TRIM35: variants seen among roughly 807,000 people sequenced by gnomAD.
TRIM35 encodes E3 ubiquitin-protein ligase TRIM35.
A neutral mutation model predicts 49.1 loss-of-function variants in TRIM35; 37 were observed. That is an observed-to-expected ratio of 0.75 (90% confidence interval 0.58 to 0.99). The LOEUF is 0.99. Among genes scored for constraint, TRIM35 ranks in the 50% least tolerant of loss-of-function variants. The pLI, the probability that TRIM35 is intolerant of heterozygous loss-of-function variation, is 0.00. For synonymous variants in TRIM35, 302 were observed against 289.3 expected (o/e 1.04, Z -0.45); for missense variants, 648 against 702.7 (o/e 0.92, Z 0.88).
chr8:27,307,665 C>T (rs1050694885), intron 1 of TRIM35, among the ~76,000 whole-genome samples: 8 of 152,128 alleles, frequency 5.3e-5, no homozygotes, highest in Middle Eastern at 3.2e-3. Flanking sequence ...GTCAGCTGCC[C>T]GCTGAAGTCT....
chr8:27,300,222 C>T lies in TRIM35; in HGVS notation c.436-1663G>A, dbSNP rs145590241. On this transcript the variant is annotated intron_variant, in intron 1 of 5. Coordinates refer to ENST00000305364, the MANE Select transcript of TRIM35 (RefSeq NM_171982.5). The stretch of plus-strand genomic sequence containing the variant: ...ATGTGAGTGTAAATAAGGATCCTGC[C>T]CTAGCTGAGCCTTCAGATGAGACCA... 5.0e-3 allele frequency among the ~76,000 whole-genome samples: 760 copies of T among 152,328 alleles called. 9 individuals carry two copies. Among genetic ancestry groups the T allele is most frequent in the African/African-American group, 0.018 (736 of 41,558 alleles).
chr8:27,309,739 T>G (rs898808976), intron 1 of TRIM35, among the ~76,000 whole-genome samples: 3 of 151,780 alleles, frequency 2.0e-5, no homozygotes, highest in Non-Finnish European at 4.4e-5. Flanking sequence ...TCCCAGTAGT[T>G]TGGGAGGCAG....
chr8:27,293,828 G>C (rs1802505740), intron 3 of TRIM35, among the ~76,000 whole-genome samples: 1 of 152,072 alleles, frequency 6.6e-6, no homozygotes, highest in South Asian at 2.1e-4. Flanking sequence ...ACTCCAGCCT[G>C]GGTGATACAG....
In TRIM35 at chr8:27,301,643, T is replaced by C. The variant is rs372948596; in HGVS notation, c.436-3084A>G. On this transcript the variant is annotated intron_variant, in intron 1 of 5. Transcript: ENST00000305364. ...TAGAGGTGTAATGAATATTTTCTAC[T>C]TCATCATTTATCTTTCTTAATTGAA... Among the ~76,000 whole-genome samples, 5 of 152,342 alleles carry C rather than the reference T, an allele frequency of 3.3e-5. No individual in the cohort carries two copies. In the South Asian group the frequency reaches 6.2e-4, roughly 19 times the overall value.
chr8:27,302,518 C>T lies in TRIM35; in HGVS notation c.436-3959G>A, dbSNP rs527530048. Among the ~76,000 whole-genome samples the T allele has an allele frequency of 4.6e-5, 7 of 152,252 alleles. No homozygotes were observed. In the South Asian group the frequency reaches 1.5e-3, roughly 32 times the overall value. Reference sequence around the variant, plus strand: ...TCCTGTGCTCAAGTGATCCTCCCACCACCTCAGCCTCCCAAGTAGCTGGGA... The same window carrying T: ...TCCTGTGCTCAAGTGATCCTCCCACTACCTCAGCCTCCCAAGTAGCTGGGA... On this transcript the variant is annotated intron_variant, in intron 1 of 5. Transcript: ENST00000305364.
intron 1 of TRIM35, among the ~76,000 whole-genome samples, chr8:27,306,842 T>C (rs548576111): frequency 6.6e-6 from 1 of 152,208 alleles, no homozygotes; most frequent in Non-Finnish European, 1.5e-5. Flanking sequence ...CAGAAGTATC[T>C]TGGCCAGGAG....
At chr8:27,308,888 C>T (rs760916195) in intron 1 of TRIM35, among the ~76,000 whole-genome samples, 1 of 152,194 alleles carries the variant, frequency 6.6e-6, no homozygotes, top group Non-Finnish European at 1.5e-5. Flanking sequence ...TCCTGCACGT[C>T]CCTCCTCATT....
chr8:27,311,249 G>T lies in TRIM35; in HGVS notation c.-14C>A. The T allele has an allele frequency of 2.0e-6, 3 of 1,493,716 alleles. No individual in the cohort carries two copies. The highest frequency in any genetic ancestry group is 1.8e-6 in the Non-Finnish European group (2 of 1,120,824). 92.5% of individuals were successfully genotyped at this position (1,493,716 alleles called of 1,614,324 possible). A position where few individuals can be genotyped will look rare whatever the true frequency, so the allele number is the denominator to read the frequency against. On this transcript the variant is annotated 5_prime_UTR_variant, in exon 1 of 6. Coordinates refer to ENST00000305364, the MANE Select transcript of TRIM35 (RefSeq NM_171982.5). ...ACTCCGCTCCATGGCACGAGCAGCC[G>T]GCTCGGGCGCCCGGAACTTTTGCTC...
intron 2 of TRIM35, among the ~76,000 whole-genome samples, chr8:27,294,896 A>C (rs1193186048): frequency 6.6e-6 from 1 of 151,804 alleles, no homozygotes; most frequent in East Asian, 1.9e-4. Context: ...ATCTTGGCTC[A>C]CTGCAACCTC....
chr8:27,310,628 T>C (rs1050838193), intron 1 of TRIM35, among the ~76,000 whole-genome samples, 173 bp downstream of exon 1: 2 of 152,208 alleles, frequency 1.3e-5, no homozygotes, highest in Non-Finnish European at 2.9e-5. Context: ...TGGGCCGACC[T>C]TGAAGAAGCA....
rs770504502 is a variant in TRIM35, at chr8:27,289,209, G to A, written c.857C>T (p.Ser286Phe). ...MLIDVCKYLGSLQYRVWKKML... is the reference protein window; with the variant it reads ...MLIDVCKYLGFLQYRVWKKML... Reference sequence around the variant, plus strand: ...CTTCTTCCAGACGCGGTACTGCAGGGAGCCCAGGTACTTGCAGACATCGAT... The same window carrying A: ...CTTCTTCCAGACGCGGTACTGCAGGAAGCCCAGGTACTTGCAGACATCGAT... The change falls in exon 5 of 6, where the codon TCC (serine) becomes TTC (phenylalanine). Residue 286 changes from serine to phenylalanine, a missense_variant. Physicochemically the swap from Ser to Phe is radical, Grantham distance 155. Coordinates refer to ENST00000305364, the MANE Select transcript of TRIM35 (RefSeq NM_171982.5). 6.2e-7 allele frequency: 1 copy of A among 1,614,172 alleles called. No homozygotes were observed. Among genetic ancestry groups the A allele is most frequent in the Non-Finnish European group, 8.5e-7 (1 of 1,180,010 alleles).
In TRIM35 at chr8:27,293,649, G is replaced by A. The variant is rs189393375; in HGVS notation, c.762+431C>T. 2.5e-4 allele frequency among the ~76,000 whole-genome samples: 38 copies of A among 152,028 alleles called. No homozygotes were observed. In the East Asian group the frequency reaches 7.4e-3, roughly 30 times the overall value. On this transcript the variant is annotated intron_variant, in intron 3 of 5. Coordinates refer to ENST00000305364, the MANE Select transcript of TRIM35 (RefSeq NM_171982.5). ...GAGGCCAGGGATTCAAGACCAGCTT[G>A]GGCAACATAGTGAGACCCCCCTCAC...
At chr8:27,297,010 G>A (rs1802583573) in intron 2 of TRIM35, among the ~76,000 whole-genome samples, 1 of 152,148 alleles carries the variant, frequency 6.6e-6, no homozygotes, top group Non-Finnish European at 1.5e-5. Context: ...CAGAGGAGGG[G>A]ATTAGCTTGG....
chr8:27,304,780 G>T (rs1309656823), intron 1 of TRIM35: 1 of 455,440 alleles, frequency 2.2e-6, no homozygotes, highest in East Asian at 7.0e-5. Flanking sequence ...TGGACTGAAG[G>T]TTAGGAGAGC....
In TRIM35 at chr8:27,286,416, A is replaced by G. The variant is rs965075448; in HGVS notation, c.*1134T>C. 1.7e-5 allele frequency: 5 copies of G among 300,180 alleles called. No individual in the cohort carries two copies. Among genetic ancestry groups the G allele is most frequent in the Admixed American group, 8.6e-5 (2 of 23,226 alleles). 18.6% of individuals were successfully genotyped at this position (300,180 alleles called of 1,614,324 possible). ...GCGCCACCCCTCTCCTTTCTTCCCA[A>G]CTGAAAAGGGTGCCCTCTTTCCTTC... is the stretch of plus-strand genomic sequence containing the variant. On this transcript the variant is annotated 3_prime_UTR_variant, in exon 6 of 6. Transcript: ENST00000305364.
rs1586051448 is a variant in TRIM35, at chr8:27,300,363, C to A, written c.436-1804G>T. On this transcript the variant is annotated intron_variant, in intron 1 of 5. Transcript: ENST00000305364. ...AAGATAATAAATGTTTGTTTTAAGGCACTAAGTTTTGGGCAATTTGCTAGG... is the reference window on the plus strand; with the variant it reads ...AAGATAATAAATGTTTGTTTTAAGGAACTAAGTTTTGGGCAATTTGCTAGG... Among the ~76,000 whole-genome samples the A allele has an allele frequency of 2.6e-5, 4 of 151,770 alleles. No individual in the cohort carries two copies. The East Asian group carries it at 7.8e-4, about 29-fold the overall frequency.
At chr8:27,307,523 A>G (rs1420242016) in intron 1 of TRIM35, among the ~76,000 whole-genome samples, 1 of 152,192 alleles carries the variant, frequency 6.6e-6, no homozygotes, top group Non-Finnish European at 1.5e-5. Context: ...TATTAGTGAG[A>G]TGATACAACC....
intron 1 of TRIM35, among the ~76,000 whole-genome samples, chr8:27,310,512 G>C (rs971481261): frequency 1.3e-5 from 2 of 152,276 alleles, no homozygotes; most frequent in Admixed American, 1.3e-4. Context: ...TGGCACAAGG[G>C]GTGCATGGCC....
rs761521091 is a variant in TRIM35 at position 27,287,665 on chromosome 8, C to T, written c.1367G>A (p.Arg456His). 10 of 1,609,910 alleles carry T rather than the reference C, an allele frequency of 6.2e-6. No individual in the cohort carries two copies. The highest frequency in any genetic ancestry group is 4.0e-5 in the African/African-American group (3 of 74,910). Residue 456 changes from arginine to histidine, a missense_variant, in exon 6 of 6, where the codon CGC becomes CAC. By Grantham distance (29) the Arg-to-His change is conservative (BLOSUM62 0). Coordinates refer to ENST00000305364, the MANE Select transcript of TRIM35 (RefSeq NM_171982.5). The surrounding 1 kb of genome is among the most constrained non-coding windows in gnomAD (Gnocchi z 6.0). ...GAAGTAGGGGCGAACCTCCCCAAAG[C>T]GGGCGTGGAAGGTGTACAGGTGGCA... ...RHCHLYTFHARFGEVRPYFYL... is the reference protein window; with the variant it reads ...RHCHLYTFHAHFGEVRPYFYL...
Sources: gnomAD v4.1 joint callset for allele counts (sites outside exome capture counted in the v4.1 genomes callset) on GRCh38, gnomAD v4.1.1 for gene constraint, Gnocchi (gnomAD v3.1) non-coding constraint, MANE v1.5 for transcripts, NCBI Gene and HGNC (gene_info 2026-07-23, HGNC 2026-07-21) for gene names.